Variants in PNISR observed in about 807,000 individuals in gnomAD.
PNISR encodes the protein PNN interacting serine and arginine rich protein.
PNISR carries 20 observed loss-of-function variants against 93.4 expected under a neutral mutation model. That is an observed-to-expected ratio of 0.21 (90% CI 0.15 to 0.31). The LOEUF (loss-of-function observed/expected upper bound fraction) is 0.31. Among genes scored for constraint, PNISR ranks in the 10% least tolerant of loss-of-function variants. The probability of loss-of-function intolerance (pLI) is 1.00; values close to 1 mark genes in which losing one functional copy is unlikely to be tolerated. For missense variants in PNISR, 893 were observed against 985.4 expected (o/e 0.91, Z 1.25); for synonymous variants, 305 against 306.5 (o/e 0.99, Z 0.05).
rs200646013 is a variant in PNISR, at chr6:99,401,001, T to C, written c.1957A>G (p.Ser653Gly). Residue 653 changes from serine (S) to glycine (G), a missense_variant, in exon 12 of 12, where the codon AGT becomes GGT. Physicochemically the swap from Ser to Gly is moderately conservative, Grantham distance 56. Coordinates refer to ENST00000369239, the MANE Select transcript of PNISR (RefSeq NM_032870.4). ...TTAGCCTCACCTTTATGCTTATGAC[T>C]GTTCCCACTAAGATTTCCACGTTGA... The part of the protein sequence containing the change: ...DDQRGNLSGN[S>G]HKHKGEAKEQ... 12 of 1,613,724 alleles carry C rather than the reference T, an allele frequency of 7.4e-6. No individual in the cohort carries two copies. Among genetic ancestry groups the C allele is most frequent in the Non-Finnish European group, 1.0e-5 (12 of 1,179,708 alleles).
chr6:99,422,803 G>A (rs1420919663), intron 1 of PNISR, among the ~76,000 whole-genome samples: 1 of 151,052 alleles, frequency 6.6e-6, no homozygotes, highest in South Asian at 2.1e-4. Context: ...GAACCCGGGA[G>A]GCAGGGGTTG....
intron 9 of PNISR, chr6:99,404,196 G>T (rs1417884496): frequency 5.3e-6 from 2 of 377,556 alleles, no homozygotes; most frequent in East Asian, 1.1e-4. Context: ...AAATCTAGGG[G>T]TAGGAAATCA....
chr6:99,418,536 C>T, intron 1 of PNISR, among the ~76,000 whole-genome samples: 1 of 150,400 alleles, frequency 6.6e-6, no homozygotes, highest in African/African-American at 2.4e-5. Context: ...GATCATTTTT[C>T]TGTATGTTTA....
chr6:99,422,031 A>G (rs1324006142), intron 1 of PNISR, among the ~76,000 whole-genome samples: 4 of 152,040 alleles, frequency 2.6e-5, no homozygotes, highest in African/African-American at 9.7e-5. Context: ...GCGCGAGGAT[A>G]ATGTTTGTAT....
At chr6:99,422,126 A>G (rs1582859602) in intron 1 of PNISR, among the ~76,000 whole-genome samples, 1 of 152,166 alleles carries the variant, frequency 6.6e-6, no homozygotes, top group African/African-American at 2.4e-5. Flanking sequence ...TCAGCCTCCC[A>G]AAGTGCTGGG....
chr6:99,407,783 G>A (rs1477291623), intron 7 of PNISR, among the ~76,000 whole-genome samples: 1 of 152,126 alleles, frequency 6.6e-6, no homozygotes, highest in Admixed American at 6.5e-5. Context: ...TTTTAATGTA[G>A]CTTTGTTTTA....
At chr6:99,417,687 C>T (rs544611016) in intron 1 of PNISR, among the ~76,000 whole-genome samples, 54 of 152,156 alleles carry the variant, frequency 3.5e-4, no homozygotes, top group African/African-American at 1.2e-3. Flanking sequence ...GGTGATCGGC[C>T]GAGCGCGGTA....
chr6:99,419,709 T>C (rs1311818032), intron 1 of PNISR, among the ~76,000 whole-genome samples: 1 of 152,172 alleles, frequency 6.6e-6, no homozygotes, highest in Non-Finnish European at 1.5e-5. Flanking sequence ...ATTTGATTCT[T>C]TGTATCTTTA....
rs757222866 is a variant in PNISR, at chr6:99,409,291, T to C, written c.555A>G (p.Gln185=). ...PQGGFHPPYW[Q]PGPPGPPAPP... ...GTGCTGGAGGTCCTGGAGGTCCTGG[T>C]TGCCAATAAGGAGGATGAAATCCAC... is the stretch of plus-strand genomic sequence containing the variant. Residue 185 remains glutamine (Q), a synonymous_variant, in exon 6 of 12, where the codon CAA becomes CAG. Transcript: ENST00000369239. 13 of 1,613,846 alleles carry C rather than the reference T, an allele frequency of 8.1e-6. No homozygotes were observed. The highest frequency in any genetic ancestry group is 1.1e-5 in the Non-Finnish European group (13 of 1,179,956).
At chr6:99,415,468 T>C (rs1262676955) in intron 2 of PNISR, 2 of 152,150 alleles carry the variant, frequency 1.3e-5, no homozygotes, top group African/African-American at 4.8e-5. Context: ...TGTTAATAAC[T>C]ATTAATTTAG....
chr6:99,402,710 C>A lies in PNISR; in HGVS notation c.1157G>T (p.Gly386Val). The A allele has an allele frequency of 6.4e-7, 1 of 1,568,942 alleles. No individual in the cohort carries two copies. The highest frequency in any genetic ancestry group is 8.7e-7 in the Non-Finnish European group (1 of 1,152,292). ...SSALASLTGLGGLGGYGSGDS... is the reference protein window; with the variant it reads ...SSALASLTGLVGLGGYGSGDS... The stretch of plus-strand genomic sequence containing the variant: ...TCCTGATCCATAACCACCCAGTCCA[C>A]CTGTGTGCATAAAGCTCAGTCTATC... The change falls in exon 11 of 12, where the codon GGT becomes GTT. Residue 386 changes from glycine to valine, a missense_variant and splice_region_variant. This residue lies in a region of PNISR where 866 missense variants were observed against 935.1 expected (regional missense o/e 0.93). Transcript: ENST00000369239.
rs1014401696 is a variant in PNISR, at chr6:99,425,289, C to G, written c.-186G>C. Reference sequence around the variant, plus strand: ...TCCAACGCTTTCGATGCTTCTACTTCTTCGGGAACAAGACAAGATGGCGCC... The same window carrying G: ...TCCAACGCTTTCGATGCTTCTACTTGTTCGGGAACAAGACAAGATGGCGCC... On this transcript the variant is annotated 5_prime_UTR_variant, in exon 1 of 12. Transcript: ENST00000369239. The G allele has an allele frequency of 1.6e-6, 2 of 1,232,028 alleles. No individual in the cohort carries two copies. The highest frequency in any genetic ancestry group is 2.0e-6 in the Non-Finnish European group (2 of 987,938). The allele number at this position is 1,232,028 out of a possible 1,614,324, so 76.3% of individuals were successfully genotyped here. A position where few individuals can be genotyped will look rare whatever the true frequency, so the allele number is the denominator to read the frequency against.
intron 4 of PNISR, chr6:99,411,616 T>TTTTG (rs59813236): frequency 0.48 from 73,339 of 151,216 alleles, 18,198 homozygotes; most frequent in Middle Eastern, 0.63. Context: ...TTCTCGTTTT[T>TTTTG]TTTGTTTGTT....
At chr6:99,416,187 C>T (rs1777669664) in intron 2 of PNISR, 162 bp downstream of exon 2, 1 of 387,436 alleles carries the variant, frequency 2.6e-6, no homozygotes, top group African/African-American at 2.1e-5. Context: ...TTCTTCCTCC[C>T]CTTTTTGTCC....
In PNISR at chr6:99,414,591, G is replaced by A. The variant is rs773386787; in HGVS notation, c.69C>T (p.Phe23=). ...CCTTACTTGGATCCTGTTGGTGCTG[G>A]AATGACTGCATCCATTGTTGCTGGT... ...PLNQQQWMQS[F]QHQQDPSQID... Residue 23 remains phenylalanine (F), a synonymous_variant, in exon 3 of 12, where the codon TTC becomes TTT. Coordinates refer to ENST00000369239, the MANE Select transcript of PNISR (RefSeq NM_032870.4). 1 of 1,594,196 alleles carries A rather than the reference G, an allele frequency of 6.3e-7. No individual in the cohort carries two copies. The highest frequency in any genetic ancestry group is 8.6e-7 in the Non-Finnish European group (1 of 1,162,724).
chr6:99,409,149 C>G lies in PNISR; in HGVS notation c.673+24G>C, dbSNP rs1001417766. ...TAAAAAAGTCATGCCAATTGTGGTC[C>G]ACTAAACTAAGTTAAATAGCTACCA... On this transcript the variant is annotated intron_variant, in intron 6 of 11. Coordinates refer to ENST00000369239, the MANE Select transcript of PNISR (RefSeq NM_032870.4). 8.1e-6 allele frequency: 13 copies of G among 1,596,066 alleles called. No individual in the cohort carries two copies. The African/African-American group carries it at 1.7e-4, about 21-fold the overall frequency.
At chr6:99,405,570 TTC>T (rs1345518146) in intron 8 of PNISR, among the ~76,000 whole-genome samples, 27 of 152,310 alleles carry the variant, frequency 1.8e-4, no homozygotes, top group Non-Finnish European at 2.9e-4. Context: ...ACTTTTTTCT[TTC>T]TTTTTTTTCC....
intron 1 of PNISR, among the ~76,000 whole-genome samples, chr6:99,418,280 G>C (rs903556195): frequency 6.6e-6 from 1 of 151,712 alleles, no homozygotes; most frequent in Non-Finnish European, 1.5e-5. Flanking sequence ...TGGGATTACA[G>C]CTGCTCGCCA....
At chr6:99,402,117 A>G (rs904496918) in intron 11 of PNISR, among the ~76,000 whole-genome samples, 7 of 152,220 alleles carry the variant, frequency 4.6e-5, no homozygotes, top group Non-Finnish European at 8.8e-5. Flanking sequence ...CTTAGCTGCT[A>G]ACTCTTAATT....
Sources: allele counts gnomAD v4.1 joint callset (sites outside exome capture counted in the v4.1 genomes callset), GRCh38; gene constraint gnomAD v4.1.1; regional missense constraint gnomAD v4.1.1; transcripts MANE v1.5; gene names NCBI Gene and HGNC (gene_info 2026-07-23, HGNC 2026-07-21).